Variants in SDK1 observed in about 807,000 individuals in gnomAD.
The protein encoded by SDK1 is protein sidekick-1.
Under a neutral mutation model 245.5 loss-of-function variants are expected in SDK1, and 157 were observed. The observed-to-expected ratio is 0.64, with a 90% CI of 0.56 to 0.73. The LOEUF is 0.73. SDK1 is among the 30% of genes least tolerant of loss of function. SDK1 has a pLI of 0.00. For synonymous variants in SDK1, 1,647 were observed against 1,278.5 expected, an observed-to-expected ratio of 1.29 and a Z score of -6.15; for missense variants, 3,583 against 3,002.3, an observed-to-expected ratio of 1.19 and a Z score of -4.52.
chr7:3,923,392 G>T (rs1323073883), intron 5 of SDK1, among the ~76,000 whole-genome samples: 1 of 152,160 alleles, frequency 6.6e-6, no homozygotes, highest in Non-Finnish European at 1.5e-5. Context: ...ATGAAGGGAG[G>T]TTTGTTACGG....
chr7:4,032,749 A>G (rs1313023070), intron 17 of SDK1, among the ~76,000 whole-genome samples: 1 of 152,176 alleles, frequency 6.6e-6, no homozygotes, highest in Non-Finnish European at 1.5e-5. Flanking sequence ...AGAAAAGAAA[A>G]GAAAGCTGGG....
chr7:3,861,160 G>A (rs1354309107), intron 5 of SDK1, among the ~76,000 whole-genome samples: 1 of 152,144 alleles, frequency 6.6e-6, no homozygotes, highest in African/African-American at 2.4e-5. Flanking sequence ...GTTTGTCCTC[G>A]TGTCAACTGG....
chr7:3,564,524 CAAAA>C (rs1317314135), intron 1 of SDK1, among the ~76,000 whole-genome samples: 2 of 151,322 alleles, frequency 1.3e-5, no homozygotes, highest in East Asian at 3.9e-4. Context: ...AGGACAATGA[CAAAA>C]AAGGAAATAG....
At chr7:3,755,726 T>TGC (rs1779904300) in intron 4 of SDK1, among the ~76,000 whole-genome samples, 1 of 152,120 alleles carries the variant, frequency 6.6e-6, no homozygotes, top group Non-Finnish European at 1.5e-5. Context: ...CCCTGTAATT[T>TGC]TGTTATTTTC....
At chr7:3,540,371 T>C (rs760110504) in intron 1 of SDK1, among the ~76,000 whole-genome samples, 3 of 152,212 alleles carry the variant, frequency 2.0e-5, no homozygotes, top group African/African-American at 2.4e-5. Context: ...TGCCCCACTT[T>C]ACTGCAGTCT....
intron 16 of SDK1, among the ~76,000 whole-genome samples, chr7:4,015,098 C>T (rs561690998): frequency 2.0e-5 from 3 of 152,224 alleles, no homozygotes; most frequent in South Asian, 2.1e-4. Flanking sequence ...GTGCTTTACA[C>T]CTTCACATCT....
chr7:3,458,655 G>C (rs1041317895), intron 1 of SDK1, among the ~76,000 whole-genome samples: 2 of 151,970 alleles, frequency 1.3e-5, no homozygotes, highest in Non-Finnish European at 2.9e-5. Context: ...GGTAGATAGA[G>C]GTCATGATTT....
intron 1 of SDK1, among the ~76,000 whole-genome samples, chr7:3,615,752 C>A (rs373550517): frequency 6.6e-6 from 1 of 151,650 alleles, no homozygotes. Context: ...TAAAGCGGAT[C>A]ACTGCAGTGG....
intron 21 of SDK1, among the ~76,000 whole-genome samples, 184 bp from the exon 22 acceptor site, chr7:4,079,279 C>A (rs1357897060): frequency 6.6e-6 from 1 of 152,238 alleles, no homozygotes; most frequent in Non-Finnish European, 1.5e-5. Context: ...AAAGCAAAAA[C>A]CATGCACTGA....
chr7:3,812,892 G>A (rs1006750324), intron 4 of SDK1, among the ~76,000 whole-genome samples: 1 of 152,192 alleles, frequency 6.6e-6, no homozygotes, highest in African/African-American at 2.4e-5. Context: ...AACTCAGCTA[G>A]TGGTTTCTGT....
intron 9 of SDK1, among the ~76,000 whole-genome samples, chr7:3,964,851 C>T (rs1781975382): frequency 6.6e-6 from 1 of 152,134 alleles, no homozygotes; most frequent in African/African-American, 2.4e-5. Context: ...GCATGTGTTT[C>T]GGTGAACTAG....
chr7:4,197,222 G>A (rs761707677), intron 35 of SDK1, among the ~76,000 whole-genome samples: 4 of 152,088 alleles, frequency 2.6e-5, no homozygotes, highest in South Asian at 2.1e-4. Context: ...CCAGCACTTT[G>A]GGAGGCCGAG....
intron 4 of SDK1, among the ~76,000 whole-genome samples, chr7:3,801,857 C>G (rs1779114935): frequency 6.6e-6 from 1 of 152,206 alleles, no homozygotes. Context: ...ATTCGATTCT[C>G]AAACTCCAAC....
At chr7:3,684,848 T>G (rs2116619) in intron 4 of SDK1, among the ~76,000 whole-genome samples, 127,655 of 151,996 alleles carry the variant, frequency 0.84, 53,748 homozygotes, top group Non-Finnish European at 0.86. Flanking sequence ...CAAAATAAAA[T>G]ACTCATTAGA....
chr7:3,863,342 C>T (rs766331328), intron 5 of SDK1, among the ~76,000 whole-genome samples: 1 of 152,230 alleles, frequency 6.6e-6, no homozygotes, highest in Non-Finnish European at 1.5e-5. Context: ...GTCAGCATTT[C>T]CACTGATGCC....
chr7:3,655,049 C>CTTTTTTTTTTTTTTTTTTTTTTT, intron 4 of SDK1, among the ~76,000 whole-genome samples: 1 of 144,308 alleles, frequency 6.9e-6, no homozygotes, highest in Admixed American at 6.9e-5. Flanking sequence ...TCATAGCTTG[C>CTTTTTTTTTTTTTTTTTTTTTTT]TTTTTTTTTT....
chr7:3,860,364 A>G (rs1233338094), intron 5 of SDK1, among the ~76,000 whole-genome samples: 2 of 152,194 alleles, frequency 1.3e-5, no homozygotes, highest in East Asian at 1.9e-4. Flanking sequence ...AGGATTTGAC[A>G]AGAAGGTTGA....
chr7:3,876,897 A>G (rs1781090375), intron 5 of SDK1, among the ~76,000 whole-genome samples: 2 of 152,222 alleles, frequency 1.3e-5, no homozygotes, highest in Non-Finnish European at 2.9e-5. Flanking sequence ...TAATTGAATT[A>G]TGTCCATTTT....
intron 22 of SDK1, among the ~76,000 whole-genome samples, chr7:4,086,756 C>T (rs957818316): frequency 1.3e-5 from 2 of 152,160 alleles, no homozygotes; most frequent in African/African-American, 4.8e-5. Context: ...TGCAGAGCCT[C>T]TCCTGCCACA....
Sources: allele counts gnomAD v4.1 joint callset (sites outside exome capture counted in the v4.1 genomes callset), GRCh38; gene constraint gnomAD v4.1.1; transcripts MANE v1.5; gene names NCBI Gene and HGNC (gene_info 2026-07-23, HGNC 2026-07-21).